The following DNAH12 variants were observed in gnomAD, a reference collection of about 807,000 sequenced individuals.
DNAH12 encodes the protein dynein axonemal heavy chain 12.
In DNAH12, 285 loss-of-function variants were observed where a neutral mutation model predicts 371.5. The observed-to-expected ratio is 0.77, with a 90% CI of 0.70 to 0.85. The LOEUF is 0.85. Among genes scored for constraint, DNAH12 ranks in the 40% least tolerant of loss-of-function variants. DNAH12 has a pLI of 0.00. For synonymous variants in DNAH12, 1,200 were observed against 1,213.0 expected (o/e 0.99, Z 0.22); for missense variants, 3,611 against 3,689.4 (o/e 0.98, Z 0.55).
intron 10 of DNAH12, 36 bp downstream of exon 10, chr3:57,502,287 T>C (rs772183578): frequency 4.3e-5 from 69 of 1,606,398 alleles, no homozygotes; most frequent in Non-Finnish European, 5.4e-5. Context: ...AATAAAGTGA[T>C]GACAAATGGT....
chr3:57,405,675 T>G lies in DNAH12; in HGVS notation c.6554A>C (p.His2185Pro). 1 of 1,551,314 alleles carries G rather than the reference T, an allele frequency of 6.4e-7. No individual in the cohort carries two copies. The highest frequency in any genetic ancestry group is 1.4e-5 in the African/African-American group (1 of 73,170). Reference protein sequence around the residue: ...FKESFHSIFSHLRKQNAPVTE... With the variant: ...FKESFHSIFSPLRKQNAPVTE... The stretch of plus-strand genomic sequence containing the variant: ...CACTGGTGCATTTTGTTTCCTCAAA[T>G]GTGAAAAGATACTGTGAAATGATTC... Residue 2185 changes from histidine to proline, a missense_variant, in exon 41 of 74, where the codon CAT becomes CCT. Transcript: ENST00000495027.
At chr3:57,438,167 C>T (rs997100294) in intron 29 of DNAH12, among the ~76,000 whole-genome samples, 3 of 152,030 alleles carry the variant, frequency 2.0e-5, no homozygotes, top group Admixed American at 6.6e-5. Flanking sequence ...AAAAATCAGC[C>T]AGGCGTGGTG....
At chr3:57,314,364 A>C in intron 66 of DNAH12, 130 bp downstream of exon 66, 3 of 1,146,276 alleles carry the variant, frequency 2.6e-6, no homozygotes, top group Non-Finnish European at 3.7e-6. Context: ...GTGCTTCATA[A>C]GCCATAGTTA....
At chr3:57,315,208 C>G (rs185094979) in intron 65 of DNAH12, among the ~76,000 whole-genome samples, 39 of 151,964 alleles carry the variant, frequency 2.6e-4, no homozygotes, top group Non-Finnish European at 4.4e-4. Context: ...AGGTCCCCCC[C>G]AAGTAAATTT....
intron 4 of DNAH12, among the ~76,000 whole-genome samples, chr3:57,520,806 T>C (rs2068400039): frequency 6.6e-6 from 1 of 152,120 alleles, no homozygotes. Flanking sequence ...TTATATATTC[T>C]AGATACAAGT....
intron 17 of DNAH12, among the ~76,000 whole-genome samples, chr3:57,464,385 C>G (rs763012857): frequency 9.2e-5 from 14 of 152,068 alleles, no homozygotes; most frequent in African/African-American, 1.2e-4. Flanking sequence ...CCAGAATATA[C>G]CCTGTGGGAC....
In DNAH12 at chr3:57,384,943, C is replaced by G. The variant is rs1465857474; in HGVS notation, c.7746G>C (p.Glu2582Asp). The change falls in exon 49 of 74, where the codon GAG becomes GAC. Residue 2582 changes from glutamate (E) to aspartate (D), a missense_variant. Coordinates refer to ENST00000495027, the MANE Select transcript of DNAH12 (RefSeq NM_001366028.2). ...CTTCTTCAGCTTTCCCACTGGCTAT[C>G]TCTTCATCCAATTTCACAAATTGTC... is the stretch of plus-strand genomic sequence containing the variant. ...AKRQFVKLDEEIASGKAEEAQ... is the reference protein window; with the variant it reads ...AKRQFVKLDEDIASGKAEEAQ... 6.6e-6 allele frequency: 1 copy of G among 152,202 alleles called. No individual in the cohort carries two copies. The highest frequency in any genetic ancestry group is 1.9e-4 in the East Asian group (1 of 5,198). The allele number at this position is 152,202 out of a possible 1,614,324, so 9.4% of individuals were successfully genotyped here.
chr3:57,481,908 AC>A, intron 13 of DNAH12, among the ~76,000 whole-genome samples: 1 of 152,330 alleles, frequency 6.6e-6, no homozygotes, highest in South Asian at 2.1e-4. Context: ...TACACCTCAT[AC>A]AAAAACTAAT....
At chr3:57,499,647 A>AAAAATAT (rs1451248906) in intron 11 of DNAH12, among the ~76,000 whole-genome samples, 1 of 17,946 alleles carries the variant, frequency 5.6e-5, no homozygotes, top group African/African-American at 2.1e-4. Flanking sequence ...AAAAAAAAAA[A>AAAAATAT]ATATATATAT....
At chr3:57,344,226 C>A (rs1265566808) in intron 60 of DNAH12, among the ~76,000 whole-genome samples, 3 of 70,664 alleles carry the variant, frequency 4.2e-5, no homozygotes, top group African/African-American at 4.9e-5. Flanking sequence ...AAATGCAAAT[C>A]AAAACCACAG....
rs1468086803 is a variant in DNAH12 at position 57,496,940 on chromosome 3, G to A, written c.1335+4381C>T. 4.0e-5 allele frequency among the ~76,000 whole-genome samples: 6 copies of A among 151,802 alleles called. No individual in the cohort carries two copies. The East Asian group carries it at 1.2e-3, about 29-fold the overall frequency. On this transcript the variant is annotated intron_variant, in intron 11 of 73. Coordinates refer to ENST00000495027, the MANE Select transcript of DNAH12 (RefSeq NM_001366028.2). ...GCCGAGATCTTGCCATTGCACTACAGCCTAGGCAACAAGAGTGAAACTCTG... is the reference window on the plus strand; with the variant it reads ...GCCGAGATCTTGCCATTGCACTACAACCTAGGCAACAAGAGTGAAACTCTG...
intron 45 of DNAH12, among the ~76,000 whole-genome samples, chr3:57,389,119 T>C (rs1315854432): frequency 6.6e-6 from 1 of 152,174 alleles, no homozygotes; most frequent in Non-Finnish European, 1.5e-5. Context: ...TTCTTCCTGT[T>C]TTAGTCTTCC....
upstream of DNAH12, among the ~76,000 whole-genome samples, chr3:57,544,869 T>A (rs2069449795): frequency 6.6e-6 from 1 of 152,184 alleles, no homozygotes; most frequent in South Asian, 2.1e-4. Context: ...ATCTAAATGA[T>A]AATAGCCTAC....
chr3:57,503,047 C>G (rs755825903), intron 9 of DNAH12, among the ~76,000 whole-genome samples: 14 of 152,162 alleles, frequency 9.2e-5, no homozygotes, highest in South Asian at 6.2e-4. Flanking sequence ...GAAAAAATAA[C>G]TTGACATAAA....
At chr3:57,513,289 T>C (rs2068066283) in intron 4 of DNAH12, among the ~76,000 whole-genome samples, 1 of 152,158 alleles carries the variant, frequency 6.6e-6, no homozygotes, top group South Asian at 2.1e-4. Flanking sequence ...ACACCGCATG[T>C]TCTCACTCAT....
At chr3:57,373,688 G>A (rs2063223881) in intron 55 of DNAH12, among the ~76,000 whole-genome samples, 1 of 151,950 alleles carries the variant, frequency 6.6e-6, no homozygotes, top group African/African-American at 2.4e-5. Flanking sequence ...CATGGAAATG[G>A]GTTCTAAAAC....
chr3:57,323,667 T>C, intron 62 of DNAH12, 48 bp from the exon 63 acceptor site: 1 of 1,460,366 alleles, frequency 6.8e-7, no homozygotes, highest in Non-Finnish European at 9.0e-7. Context: ...TTATTTCACA[T>C]AATGGATATG....
intron 58 of DNAH12, among the ~76,000 whole-genome samples, chr3:57,361,471 T>TA (rs2062934544): frequency 4.2e-5 from 6 of 141,814 alleles, no homozygotes; most frequent in African/African-American, 1.4e-4. Context: ...TATATATATA[T>TA]CTCATTCAGC....
chr3:57,326,372 T>C (rs961559470), intron 62 of DNAH12, among the ~76,000 whole-genome samples: 23 of 152,228 alleles, frequency 1.5e-4, no homozygotes, highest in African/African-American at 4.3e-4. Context: ...CGGCAGAAAC[T>C]CTACAAGCCA....
Sources: allele counts gnomAD v4.1 joint callset (sites outside exome capture counted in the v4.1 genomes callset), GRCh38; gene constraint gnomAD v4.1.1; transcripts MANE v1.5; gene names NCBI Gene and HGNC (gene_info 2026-07-23, HGNC 2026-07-21).